The following MAP3K14 variants were observed in gnomAD, a reference collection of about 807,000 sequenced individuals.
The protein encoded by MAP3K14 is mitogen-activated protein kinase kinase kinase 14.
In MAP3K14, 16 loss-of-function variants were observed where a neutral mutation model predicts 99.2. The observed-to-expected ratio is 0.16, with a 90% CI of 0.11 to 0.24. The LOEUF is 0.24. MAP3K14 is among the 10% of genes least tolerant of loss of function. MAP3K14 has a pLI of 1.00. For missense variants in MAP3K14, 784 were observed against 1,208.7 expected (o/e 0.65, Z 5.21); for synonymous variants, 462 against 492.4 (o/e 0.94, Z 0.82).
At chr17:45,305,183 T>C (rs1423033720) in intron 1 of MAP3K14, among the ~76,000 whole-genome samples, 1 of 151,088 alleles carries the variant, frequency 6.6e-6, no homozygotes, top group Non-Finnish European at 1.5e-5. Flanking sequence ...CTGCAAGCTC[T>C]GCCTGCCGGG....
intron 6 of MAP3K14, among the ~76,000 whole-genome samples, chr17:45,277,388 A>G (rs1325018555): frequency 6.6e-6 from 1 of 152,150 alleles, no homozygotes; most frequent in African/African-American, 2.4e-5. Flanking sequence ...GGGCGCTGGC[A>G]GTAACAGAAC....
At chr17:45,279,341 G>C (rs963519422) in intron 6 of MAP3K14, among the ~76,000 whole-genome samples, 5 of 152,062 alleles carry the variant, frequency 3.3e-5, no homozygotes, top group Non-Finnish European at 7.4e-5. Context: ...TGGTCAGGCT[G>C]GTCTCGAACT....
rs768923583 is a variant in MAP3K14, at chr17:45,270,428, G to A, written c.1957C>T (p.Arg653Trp). 3.7e-6 allele frequency: 6 copies of A among 1,611,526 alleles called. No individual in the cohort carries two copies. The highest frequency in any genetic ancestry group is 2.0e-4 in the Middle Eastern group (1 of 5,062). The change falls in exon 11 of 16, where the codon CGG becomes TGG. Residue 653 changes from arginine to tryptophan, a missense_variant. Transcript: ENST00000344686. The part of the protein sequence containing the change: ...SAAELGGKVN[R>W]ALQQVGGLKS... Reference sequence around the variant, plus strand: ...CTCTTCCTACCTTGCTGTAGTGCCCGGTTCACCTTCCCTCCCAGCTCCGCT... The same window carrying A: ...CTCTTCCTACCTTGCTGTAGTGCCCAGTTCACCTTCCCTCCCAGCTCCGCT...
At chr17:45,295,922 C>CCTTA (rs1425205245) in intron 1 of MAP3K14, among the ~76,000 whole-genome samples, 4 of 152,168 alleles carry the variant, frequency 2.6e-5, no homozygotes, top group African/African-American at 4.8e-5. Context: ...GTATCTTGAG[C>CCTTA]CTTACCTAGT....
At chr17:45,296,667 C>T (rs1393764521) in intron 1 of MAP3K14, among the ~76,000 whole-genome samples, 1 of 152,220 alleles carries the variant, frequency 6.6e-6, no homozygotes, top group Non-Finnish European at 1.5e-5. Context: ...CCTTTCTACC[C>T]TTTCTGCCCT....
chr17:45,274,591 C>T lies in MAP3K14; in HGVS notation c.1293G>A (p.Val431=), dbSNP rs761717072. The T allele has an allele frequency of 4.3e-6, 7 of 1,613,344 alleles. No homozygotes were observed. The highest frequency in any genetic ancestry group is 4.2e-6 in the Non-Finnish European group (5 of 1,179,816). The change falls in exon 7 of 16, where the codon GTG becomes GTA. Residue 431 remains valine (V), a splice_region_variant and synonymous_variant. Transcript: ENST00000344686. ...CCTCTGCCCGAAATACTTCCAGCCG[C>T]ACCTGCAAGGGCCCAGAGGCAGCTG... ...QTGFQCAVKK[V]RLEVFRAEEL...
chr17:45,310,454 C>G lies in MAP3K14; in HGVS notation c.-21+6506G>C, dbSNP rs2044465878. On this transcript the variant is annotated intron_variant, in intron 1 of 15. Coordinates refer to ENST00000344686, the MANE Select transcript of MAP3K14 (RefSeq NM_003954.5). ...AGAAACACCTACCTTTTAATTCTGG[C>G]CCAGTAAAAGGAAACTTTAATGTCA... is the stretch of plus-strand genomic sequence containing the variant. Among the ~76,000 whole-genome samples the G allele has an allele frequency of 2.0e-5, 3 of 152,070 alleles. No homozygotes were observed. In the South Asian group the frequency reaches 6.2e-4, roughly 32 times the overall value.
rs149318591 is a variant in MAP3K14, at chr17:45,289,488, A to G, written c.257-183T>C. Among the ~76,000 whole-genome samples the G allele has an allele frequency of 9.1e-3, 1,387 of 151,986 alleles. 21 individuals are homozygous for G. Among genetic ancestry groups the G allele is most frequent in the African/African-American group, 0.031 (1,280 of 41,434 alleles). Reference sequence around the variant, plus strand: ...CCGCACTGTCTCTCCCCAGCTTCTCAGCTTACTGGTCAAGAGCAGACCACG... The same window carrying G: ...CCGCACTGTCTCTCCCCAGCTTCTCGGCTTACTGGTCAAGAGCAGACCACG... On this transcript the variant is annotated intron_variant, in intron 2 of 15. Coordinates refer to ENST00000344686, the MANE Select transcript of MAP3K14 (RefSeq NM_003954.5).
intron 1 of MAP3K14, among the ~76,000 whole-genome samples, chr17:45,297,713 A>C (rs1307238326): frequency 6.9e-6 from 1 of 145,688 alleles, no homozygotes; most frequent in Non-Finnish European, 1.5e-5. Flanking sequence ...AATTGGTTTA[A>C]ATCTTTTTTT....
chr17:45,281,387 C>T (rs2044222102), intron 6 of MAP3K14, among the ~76,000 whole-genome samples: 1 of 150,814 alleles, frequency 6.6e-6, no homozygotes, highest in Non-Finnish European at 1.5e-5. Flanking sequence ...CTGGTGTTGC[C>T]AGGCTGGAGT....
At chr17:45,313,707 A>G (rs1392330110) in intron 1 of MAP3K14, among the ~76,000 whole-genome samples, 1 of 152,226 alleles carries the variant, frequency 6.6e-6, no homozygotes, top group Non-Finnish European at 1.5e-5. Context: ...TTGGCCTTTT[A>G]TTAATTAAAA....
In MAP3K14 at chr17:45,287,004, G is replaced by A. The variant is rs762027031; in HGVS notation, c.579C>T (p.Thr193=). 7 of 1,613,734 alleles carry A rather than the reference G, an allele frequency of 4.3e-6. No homozygotes were observed. The African/African-American group carries it at 5.3e-5, about 12-fold the overall frequency. The change falls in exon 5 of 16, where the codon ACC becomes ACT. Residue 193 remains threonine, a synonymous_variant. Transcript: ENST00000344686. ...CCTTCAGAGGCTTGGTGAACTGCGG[G>A]GTGTTTCTAACATATGGGGCGCCGA... ...SPLGAPYVRN[T]PQFTKPLKEP... is the part of the protein sequence containing the mutation.
intron 4 of MAP3K14, 43 bp from the exon 5 acceptor site, chr17:45,287,088 C>T (rs748319867): frequency 1.2e-6 from 2 of 1,602,614 alleles, no homozygotes; most frequent in Non-Finnish European, 1.7e-6. Context: ...GGCCAGGGCC[C>T]AGGGACAGGC....
intron 1 of MAP3K14, among the ~76,000 whole-genome samples, chr17:45,311,510 T>G (rs564980865): frequency 6.6e-6 from 1 of 152,180 alleles, no homozygotes; most frequent in Non-Finnish European, 1.5e-5. Context: ...GGACACCTGA[T>G]AGTGGCTTTA....
At position 45,286,571 on chromosome 17, in the gene MAP3K14, C is replaced by T; in HGVS notation, c.1012G>A (p.Val338Met). ...HEKFSVEEYLVHALQGSVSSG... is the reference protein window; with the variant it reads ...HEKFSVEEYLMHALQGSVSSG... ...CTCACGCTGCCTTGCAGAGCATGCA[C>T]TAGGTATTCCTCCACAGAAAACTTC... Residue 338 changes from valine (V) to methionine (M), a missense_variant, in exon 5 of 16, where the codon GTG becomes ATG. Val to Met is a conservative substitution (Grantham distance 21, BLOSUM62 1). Around this residue, in one of 5 missense-constraint regions of MAP3K14, gnomAD observed 138 missense variants for 164.1 expected, o/e 0.84. Transcript: ENST00000344686. This position sits in a 1 kb window ranked among gnomAD's most constrained non-coding sequence, Gnocchi z 4.1. 1.2e-6 allele frequency: 2 copies of T among 1,611,238 alleles called. No homozygotes were observed. The highest frequency in any genetic ancestry group is 1.7e-6 in the Non-Finnish European group (2 of 1,178,912).
intron 1 of MAP3K14, among the ~76,000 whole-genome samples, chr17:45,310,027 CTTTTTT>C (rs59117060): frequency 1.0e-5 from 1 of 98,832 alleles, no homozygotes; most frequent in African/African-American, 4.2e-5. Flanking sequence ...AGGAGTCCAT[CTTTTTT>C]TTTTTTTTTT....
chr17:45,316,519 G>A (rs2044534469), intron 1 of MAP3K14, among the ~76,000 whole-genome samples: 1 of 152,202 alleles, frequency 6.6e-6, no homozygotes, highest in South Asian at 2.1e-4. Flanking sequence ...AACTTCCCAT[G>A]AAAGGCCGGG....
intron 1 of MAP3K14, among the ~76,000 whole-genome samples, chr17:45,302,504 C>T (rs975740948): frequency 5.3e-5 from 8 of 151,882 alleles, no homozygotes; most frequent in Admixed American, 3.9e-4. Context: ...GACCGGGTTT[C>T]ACCATGTTGG....
chr17:45,280,919 C>G (rs1361640342), intron 6 of MAP3K14, among the ~76,000 whole-genome samples: 1 of 152,140 alleles, frequency 6.6e-6, no homozygotes, highest in African/African-American at 2.4e-5. Flanking sequence ...CCGACAAACA[C>G]TCTTTTGAAT....
Sources: allele counts gnomAD v4.1 joint callset (sites outside exome capture counted in the v4.1 genomes callset), GRCh38; gene constraint gnomAD v4.1.1; regional missense constraint gnomAD v4.1.1; non-coding constraint Gnocchi (gnomAD v3.1); transcripts MANE v1.5; gene names NCBI Gene and HGNC (gene_info 2026-07-23, HGNC 2026-07-21).